Variants in CAMK2D observed in about 807,000 individuals in gnomAD.
CAMK2D encodes the protein calcium/calmodulin dependent protein kinase II delta.
Under a neutral mutation model 84.0 loss-of-function variants are expected in CAMK2D, and 37 were observed. The observed-to-expected ratio is 0.44, with a 90% CI of 0.34 to 0.58. CAMK2D has a LOEUF of 0.58. Among genes scored for constraint, CAMK2D ranks in the 20% least tolerant of loss-of-function variants. The pLI is 0.02. For synonymous variants in CAMK2D, 202 were observed against 212.5 expected (o/e 0.95, Z 0.43); for missense variants, 448 against 652.5 (o/e 0.69, Z 3.41).
intron 4 of CAMK2D, among the ~76,000 whole-genome samples, chr4:113,575,777 T>C (rs2098778425): frequency 6.6e-6 from 1 of 152,122 alleles, no homozygotes; most frequent in South Asian, 2.1e-4. Flanking sequence ...TAAAACCTGT[T>C]AAAATGCATG....
At chr4:113,552,560 C>T (rs936372994) in intron 4 of CAMK2D, among the ~76,000 whole-genome samples, 16 of 152,134 alleles carry the variant, frequency 1.1e-4, no homozygotes, top group African/African-American at 3.1e-4. Context: ...AAAATAGATG[C>T]TTTTCCCACA....
chr4:113,598,333 T>TAA (rs78626119), intron 4 of CAMK2D, among the ~76,000 whole-genome samples: 2 of 150,714 alleles, frequency 1.3e-5, no homozygotes, highest in African/African-American at 2.4e-5. Context: ...AAACTCACAT[T>TAA]AAAAAAAAAT....
rs549160219 is a variant in CAMK2D at position 113,709,706 on chromosome 4, T to G, written c.161-47934A>C. Among the ~76,000 whole-genome samples, 18 of 132,948 alleles carry G rather than the reference T, an allele frequency of 1.4e-4. No homozygotes were observed. In the South Asian group the frequency reaches 4.0e-3, roughly 30 times the overall value. The allele number at this position is 132,948 out of a possible 152,430, so 87.2% of individuals were successfully genotyped here. A position where few individuals can be genotyped will look rare whatever the true frequency, so the allele number is the denominator to read the frequency against. On this transcript the variant is annotated intron_variant, in intron 2 of 20. Coordinates refer to ENST00000511664, the MANE Select transcript of CAMK2D (RefSeq NM_001321571.2). Reference sequence around the variant, plus strand: ...AATCTGCTCTGCTTTCAAGGAGGCTTTCATATGTGGAGTAGAGTGAAAAGC... The same window carrying G: ...AATCTGCTCTGCTTTCAAGGAGGCTGTCATATGTGGAGTAGAGTGAAAAGC...
At chr4:113,688,827 A>G (rs2099368007) in intron 2 of CAMK2D, among the ~76,000 whole-genome samples, 1 of 150,030 alleles carries the variant, frequency 6.7e-6, no homozygotes, top group Admixed American at 6.8e-5. Flanking sequence ...AACTGTTTTC[A>G]GTCTGTCTCA....
chr4:113,657,715 T>C (rs1235405822), intron 3 of CAMK2D, among the ~76,000 whole-genome samples: 1 of 152,206 alleles, frequency 6.6e-6, no homozygotes, highest in East Asian at 1.9e-4. Context: ...GTTTAAAATG[T>C]GTTTCTTTGG....
intron 17 of CAMK2D, among the ~76,000 whole-genome samples, chr4:113,461,357 G>T (rs2097370910): frequency 6.6e-6 from 1 of 152,182 alleles, no homozygotes; most frequent in African/African-American, 2.4e-5. Flanking sequence ...TACTAGAATA[G>T]ATGAACAGGA....
At chr4:113,625,462 G>A (rs2099063722) in intron 3 of CAMK2D, among the ~76,000 whole-genome samples, 1 of 152,174 alleles carries the variant, frequency 6.6e-6, no homozygotes, top group South Asian at 2.1e-4. Flanking sequence ...AAGCATCACT[G>A]ATAAGGTGAA....
chr4:113,757,185 C>G (rs147590256), intron 2 of CAMK2D, among the ~76,000 whole-genome samples: 6 of 152,216 alleles, frequency 3.9e-5, no homozygotes, highest in Admixed American at 3.9e-4. Flanking sequence ...ACAGCTAAAT[C>G]AAGGCTGCCA....
chr4:113,499,794 C>T (rs1185229092), intron 16 of CAMK2D, among the ~76,000 whole-genome samples: 1 of 152,094 alleles, frequency 6.6e-6, no homozygotes, highest in African/African-American at 2.4e-5. Flanking sequence ...GCAATTGATA[C>T]AAAAGTAATA....
At chr4:113,545,079 G>A (rs1302486623) in intron 6 of CAMK2D, among the ~76,000 whole-genome samples, 1 of 152,078 alleles carries the variant, frequency 6.6e-6, no homozygotes, top group Non-Finnish European at 1.5e-5. Context: ...AAATATTAAT[G>A]AACACTTAAT....
chr4:113,492,230 T>C (rs2097854591), intron 16 of CAMK2D, among the ~76,000 whole-genome samples: 1 of 152,192 alleles, frequency 6.6e-6, no homozygotes, highest in Admixed American at 6.5e-5. Context: ...TTAATTGTGA[T>C]GTTAGGGTGT....
chr4:113,606,040 C>G (rs1426669615), intron 4 of CAMK2D, among the ~76,000 whole-genome samples: 1 of 151,520 alleles, frequency 6.6e-6, no homozygotes, highest in Non-Finnish European at 1.5e-5. Flanking sequence ...TTTAATCAGC[C>G]ATAATAAAAA....
chr4:113,745,654 A>G (rs1414913284), intron 2 of CAMK2D, among the ~76,000 whole-genome samples: 1 of 152,228 alleles, frequency 6.6e-6, no homozygotes, highest in East Asian at 1.9e-4. Context: ...ATTCCTCAAT[A>G]TTAATGTTAA....
chr4:113,603,478 A>G (rs2098962591), intron 4 of CAMK2D, among the ~76,000 whole-genome samples: 1 of 145,798 alleles, frequency 6.9e-6, no homozygotes, highest in Non-Finnish European at 1.5e-5. Flanking sequence ...TCAGTAAACT[A>G]TCGCAAGAAC....
intron 2 of CAMK2D, among the ~76,000 whole-genome samples, chr4:113,757,556 A>G (rs924091447): frequency 1.3e-5 from 2 of 152,138 alleles, no homozygotes; most frequent in African/African-American, 2.4e-5. Flanking sequence ...AAACTTGCCC[A>G]AAGTCACAAG....
chr4:113,644,873 C>T (rs1315226386), intron 3 of CAMK2D, among the ~76,000 whole-genome samples: 1 of 152,136 alleles, frequency 6.6e-6, no homozygotes. Flanking sequence ...AGCAGACCTC[C>T]AAGGTCCAAG....
chr4:113,659,155 G>A (rs906397285), intron 3 of CAMK2D, among the ~76,000 whole-genome samples: 3 of 152,156 alleles, frequency 2.0e-5, no homozygotes, highest in Non-Finnish European at 4.4e-5. Flanking sequence ...GGAAATGGAG[G>A]AAACTAGTTT....
chr4:113,485,260 C>G (rs1564546799), intron 16 of CAMK2D, among the ~76,000 whole-genome samples: 2 of 152,156 alleles, frequency 1.3e-5, no homozygotes, highest in African/African-American at 2.4e-5. Flanking sequence ...TGTTTATTAG[C>G]TATTTCTGCC....
chr4:113,548,710 G>C, intron 5 of CAMK2D: 2 of 1,584,110 alleles, frequency 1.3e-6, no homozygotes, highest in Non-Finnish European at 1.7e-6. Context: ...ACACTTTCTA[G>C]AATCTGCTGT....
Sources: allele counts gnomAD v4.1 joint callset (sites outside exome capture counted in the v4.1 genomes callset), GRCh38; gene constraint gnomAD v4.1.1; transcripts MANE v1.5; gene names NCBI Gene and HGNC (gene_info 2026-07-23, HGNC 2026-07-21).